TRRAP: variants seen among roughly 807,000 people sequenced by gnomAD.
The protein encoded by TRRAP is transformation/transcription domain-associated protein.
In TRRAP, 41 loss-of-function variants were observed where a neutral mutation model predicts 438.8. That is an observed-to-expected ratio of 0.09 (90% confidence interval 0.07 to 0.12). TRRAP has a LOEUF of 0.12. TRRAP is among the 10% of genes least tolerant of loss of function. The pLI, the probability that TRRAP is intolerant of heterozygous loss-of-function variation, is 1.00. For synonymous variants in TRRAP, 1,994 were observed against 1,962.9 expected, an observed-to-expected ratio of 1.02 and a Z score of -0.42; for missense variants, 3,122 against 5,055.1, an observed-to-expected ratio of 0.62 and a Z score of 11.60.
rs1554408389 is a variant in TRRAP at position 98,910,137 on chromosome 7, G to C, written c.1432G>C (p.Gly478Arg). ...GAAGTGTAAGCCTCAGTCAGAACTT[G>C]GAGCCGTGGAAGCAGCTCTGCCTGG... ...FKKCKPQSEL[G>R]AVEAALPGVP... The change falls in exon 15 of 73, where the codon GGA (glycine) becomes CGA (arginine). Residue 478 changes from glycine (G) to arginine (R), a missense_variant. Coordinates refer to ENST00000456197, the MANE Select transcript of TRRAP (RefSeq NM_001375524.1). The C allele has an allele frequency of 6.2e-7, 1 of 1,611,700 alleles. No individual in the cohort carries two copies. Among genetic ancestry groups the C allele is most frequent in the Non-Finnish European group, 8.5e-7 (1 of 1,178,888 alleles).
Position 98,962,412 on chromosome 7 carries a change from C to G in TRRAP, c.6814C>G (p.Pro2272Ala), listed in dbSNP as rs753457533. The G allele has an allele frequency of 2.5e-6, 4 of 1,614,128 alleles. No homozygotes were observed. The highest frequency in any genetic ancestry group is 2.2e-5 in the East Asian group (1 of 44,892). Residue 2272 changes from proline (P) to alanine (A), a missense_variant, in exon 47 of 73, where the codon CCC (proline) becomes GCC (alanine). This residue lies in a region of TRRAP where 992 missense variants were observed against 1,281.2 expected (regional missense o/e 0.77). Coordinates refer to ENST00000456197, the MANE Select transcript of TRRAP (RefSeq NM_001375524.1). ...TNYEKATNAN[P>A]SQLFGTLMIL... ...CTACGAGAAGGCCACCAATGCCAAT[C>G]CCTCCCAGCTCTTCGGTGAGTGTGT...
intron 45 of TRRAP, 126 bp downstream of exon 45, chr7:98,959,616 T>C: frequency 2.2e-6 from 3 of 1,393,160 alleles, no homozygotes; most frequent in Non-Finnish European, 2.9e-6. Context: ...AAATCTCCTG[T>C]CCCCTTTGCC....
chr7:98,979,543 T>C (rs574641847), intron 58 of TRRAP, among the ~76,000 whole-genome samples: 7 of 152,330 alleles, frequency 4.6e-5, no homozygotes, highest in South Asian at 4.1e-4. Context: ...TCCACACATA[T>C]GGAGGACCAG....
intron 23 of TRRAP, among the ~76,000 whole-genome samples, chr7:98,928,524 T>A (rs1790157289): frequency 6.6e-6 from 1 of 152,190 alleles, no homozygotes; most frequent in African/African-American, 2.4e-5. Flanking sequence ...GTTAACATTG[T>A]CTTTCTGGCA....
At chr7:98,966,901 C>T (rs951648590) in intron 49 of TRRAP, 140 bp from the exon 50 acceptor site, 8 of 802,852 alleles carry the variant, frequency 1.0e-5, no homozygotes, top group Non-Finnish European at 1.5e-5. Flanking sequence ...TTTTAAGCAT[C>T]CAAAGATAAA....
At chr7:98,947,724 G>C (rs543853303) in intron 33 of TRRAP, among the ~76,000 whole-genome samples, 2 of 152,282 alleles carry the variant, frequency 1.3e-5, no homozygotes, top group South Asian at 4.2e-4. Context: ...CCAAAGTGCT[G>C]GGATTACAGG....
chr7:98,899,023 A>G (rs1796353208), intron 8 of TRRAP, among the ~76,000 whole-genome samples: 1 of 152,112 alleles, frequency 6.6e-6, no homozygotes, highest in African/African-American at 2.4e-5. Context: ...CCGCATCTCT[A>G]CTAAAAAACA....
In TRRAP at chr7:98,955,257, G is replaced by A. The variant is rs1288936188; in HGVS notation, c.5890G>A (p.Val1964Ile). 7 of 1,614,116 alleles carry A rather than the reference G, an allele frequency of 4.3e-6. No individual in the cohort carries two copies. The highest frequency in any genetic ancestry group is 2.2e-5 in the East Asian group (1 of 44,868). The change falls in exon 41 of 73, where the codon GTC becomes ATC. Residue 1964 changes from valine to isoleucine, a missense_variant. Physicochemically the swap from Val to Ile is conservative, Grantham distance 29 (BLOSUM62 3). Coordinates refer to ENST00000456197, the MANE Select transcript of TRRAP (RefSeq NM_001375524.1). The stretch of plus-strand genomic sequence containing the variant: ...GATCATTGTGGAGGAGGGGCACACC[G>A]TCCCGCAGCTGGTCCACATTCTGCA... ...RKIIVEEGHT[V>I]PQLVHILHLI...
chr7:98,981,191 C>T (rs1252303578), intron 58 of TRRAP, among the ~76,000 whole-genome samples: 1 of 152,034 alleles, frequency 6.6e-6, no homozygotes, highest in African/African-American at 2.4e-5. Context: ...CACCTGAGGT[C>T]AGGAGTTCAA....
chr7:99,004,395 T>G lies in TRRAP; in HGVS notation c.10515T>G (p.His3505Gln). ...AGTTTCTGATGCCAAAGCCAACGCA[T>G]TATTACATCAAGATTGCACGGTGAG... ...PGEFLMPKPT[H>Q]YYIKIARFMP... The change falls in exon 68 of 73, where the codon CAT becomes CAG. Residue 3505 changes from histidine to glutamine, a missense_variant. Around this residue, in one of 24 missense-constraint regions of TRRAP, gnomAD observed 95 missense variants for 144.1 expected, o/e 0.66. Coordinates refer to ENST00000456197, the MANE Select transcript of TRRAP (RefSeq NM_001375524.1). 6.2e-7 allele frequency: 1 copy of G among 1,614,012 alleles called. No homozygotes were observed. Among genetic ancestry groups the G allele is most frequent in the Non-Finnish European group, 8.5e-7 (1 of 1,179,976 alleles).
chr7:98,972,739 T>C (rs956958791), intron 53 of TRRAP, among the ~76,000 whole-genome samples: 6 of 152,262 alleles, frequency 3.9e-5, no homozygotes, highest in Non-Finnish European at 7.3e-5. Context: ...ATTCTGTTCA[T>C]ATCAGGAGCT....
Position 99,012,103 on chromosome 7 carries a change from C to G in TRRAP, c.11370C>G (p.Asp3790Glu). The G allele has an allele frequency of 1.9e-6, 3 of 1,614,052 alleles. No homozygotes were observed. Among genetic ancestry groups the G allele is most frequent in the African/African-American group, 1.3e-5 (1 of 75,040 alleles). Reference sequence around the variant, plus strand: ...GCATTCTGAAAACGGTTCTCCGGGACGAGATCATTGCTTGGCACAAAAAAA... The same window carrying G: ...GCATTCTGAAAACGGTTCTCCGGGAGGAGATCATTGCTTGGCACAAAAAAA... ...VDGILKTVLR[D>E]EIIAWHKKTQ... Residue 3790 changes from aspartate to glutamate, a missense_variant, in exon 73 of 73, where the codon GAC becomes GAG. By Grantham distance (45) the Asp-to-Glu change is conservative (BLOSUM62 2). This residue lies in a region of TRRAP where 192 missense variants were observed against 355.6 expected (regional missense o/e 0.54). Coordinates refer to ENST00000456197, the MANE Select transcript of TRRAP (RefSeq NM_001375524.1). The surrounding 1 kb of genome is among the most constrained non-coding windows in gnomAD (Gnocchi z 5.9).
intron 26 of TRRAP, among the ~76,000 whole-genome samples, chr7:98,932,778 C>A (rs549105568): frequency 6.6e-6 from 1 of 152,046 alleles, no homozygotes; most frequent in African/African-American, 2.4e-5. Flanking sequence ...TTTTTCTTGT[C>A]ACGTTATTTT....
chr7:99,008,213 C>T (rs1021371863), intron 69 of TRRAP, among the ~76,000 whole-genome samples, 164 bp from the exon 70 acceptor site: 14 of 152,228 alleles, frequency 9.2e-5, no homozygotes, highest in Non-Finnish European at 1.5e-5. Flanking sequence ...CTCATGCCAT[C>T]TGTTGAGCAA....
At chr7:98,905,690 C>T (rs1796694551) in intron 12 of TRRAP, among the ~76,000 whole-genome samples, 1 of 152,198 alleles carries the variant, frequency 6.6e-6, no homozygotes, top group Admixed American at 6.5e-5. Flanking sequence ...GAACCGTAAC[C>T]TGGGACTCAT....
chr7:98,928,569 T>G (rs1358318180), intron 23 of TRRAP, among the ~76,000 whole-genome samples: 2 of 152,238 alleles, frequency 1.3e-5, no homozygotes, highest in East Asian at 3.8e-4. Context: ...ACCTTGGACC[T>G]GGGTACCTCC....
intron 1 of TRRAP, among the ~76,000 whole-genome samples, chr7:98,879,320 T>G (rs1211743723): frequency 6.6e-6 from 1 of 152,180 alleles, no homozygotes; most frequent in Non-Finnish European, 1.5e-5. Flanking sequence ...ATGGAAGAGT[T>G]GACGACTTCC....
At chr7:98,986,016 A>G (rs774218191) in intron 62 of TRRAP, among the ~76,000 whole-genome samples, 1 of 152,202 alleles carries the variant, frequency 6.6e-6, no homozygotes, top group African/African-American at 2.4e-5. Context: ...CTTATTCTGA[A>G]CATTCATATA....
At chr7:98,880,266 T>G (rs868925336) in intron 1 of TRRAP, among the ~76,000 whole-genome samples, 2,064 of 141,602 alleles carry the variant, frequency 0.015, 46 homozygotes, top group African/African-American at 0.048. Context: ...GTTGTTGTTT[T>G]TTTTTTTTTT....
Sources: gnomAD v4.1 joint callset for allele counts (sites outside exome capture counted in the v4.1 genomes callset) on GRCh38, gnomAD v4.1.1 for gene constraint, gnomAD v4.1.1 regional missense constraint, Gnocchi (gnomAD v3.1) non-coding constraint, MANE v1.5 for transcripts, NCBI Gene and HGNC (gene_info 2026-07-23, HGNC 2026-07-21) for gene names.